Variants in TRIM38 observed in about 807,000 individuals in gnomAD.
The protein encoded by TRIM38 is tripartite motif containing 38, also known as E3 ubiquitin-protein ligase TRIM38.
In TRIM38, 35 loss-of-function variants were observed where a neutral mutation model predicts 35.8. The observed-to-expected ratio is 0.98, with a 90% confidence interval of 0.75 to 1.30. TRIM38 has a LOEUF of 1.30. TRIM38 is among the 50% of genes most tolerant of loss of function. The pLI is 0.00. For synonymous variants in TRIM38, 198 were observed against 204.7 expected, an observed-to-expected ratio of 0.97 and a Z score of 0.28; for missense variants, 545 against 556.9, an observed-to-expected ratio of 0.98 and a Z score of 0.21.
rs775698960 is a variant in TRIM38 at position 25,983,179 on chromosome 6, A to C, written c.890A>C (p.Asp297Ala). The C allele has an allele frequency of 4.6e-5, 73 of 1,584,402 alleles. No homozygotes were observed. The highest frequency in any genetic ancestry group is 6.1e-5 in the Non-Finnish European group (71 of 1,165,034). ...TGTTTTGCAGTTAGTGTGACTCTGG[A>C]TCCAGATACAGCTCATCACGAACTA... ...LRSHQVSVTL[D>A]PDTAHHELIL... The change falls in exon 8 of 8, where the codon GAT becomes GCT. Residue 297 changes from aspartate to alanine, a missense_variant. Transcript: ENST00000357085.
intron 7 of TRIM38, chr6:25,974,842 C>T (rs1760342660): frequency 3.1e-6 from 3 of 968,016 alleles, no homozygotes; most frequent in Admixed American, 1.2e-4. Context: ...GTGTTCCCCT[C>T]AAATACACAA....
In TRIM38 at chr6:25,966,568, T is replaced by C. The variant is rs202095069; in HGVS notation, c.46T>C (p.Cys16Arg). ...STKKMMEEAT[C>R]SICLSLMTNP... ...CAAGAAGATGATGGAGGAAGCCACC[T>C]GCTCCATCTGCCTGAGCCTGATGAC... Residue 16 changes from cysteine to arginine, a missense_variant, in exon 3 of 8, where the codon TGC becomes CGC. By Grantham distance (180) the Cys-to-Arg change is radical. Transcript: ENST00000357085. The C allele has an allele frequency of 1.2e-6, 2 of 1,613,960 alleles. No individual in the cohort carries two copies. The highest frequency in any genetic ancestry group is 2.7e-5 in the African/African-American group (2 of 75,048).
intron 7 of TRIM38, among the ~76,000 whole-genome samples, chr6:25,980,464 A>G (rs994384585): frequency 6.8e-6 from 1 of 148,000 alleles, no homozygotes; most frequent in Non-Finnish European, 1.5e-5. Flanking sequence ...TCTGTCACCC[A>G]GGCTGTAGTG....
intron 2 of TRIM38, among the ~76,000 whole-genome samples, chr6:25,965,146 G>A (rs1284987001): frequency 2.0e-5 from 3 of 152,120 alleles, no homozygotes; most frequent in Non-Finnish European, 4.4e-5. Context: ...ACTAGAATAG[G>A]AAAGAGTTTC....
chr6:25,979,112 A>G (rs909547045), intron 7 of TRIM38, among the ~76,000 whole-genome samples: 6 of 151,960 alleles, frequency 3.9e-5, no homozygotes, highest in Non-Finnish European at 7.4e-5. Context: ...TATGCTATAC[A>G]TATTATATAT....
At chr6:25,964,361 T>C (rs1759952841) in intron 2 of TRIM38, among the ~76,000 whole-genome samples, 1 of 152,108 alleles carries the variant, frequency 6.6e-6, no homozygotes, top group South Asian at 2.1e-4. Flanking sequence ...CAGGAGAATA[T>C]AGGTAATTCT....
Position 25,984,077 on chromosome 6 carries a change from T to C in TRIM38, c.*390T>C, listed in dbSNP as rs1760647700. ...AGGGAATGAAAGAAAGCTGCAATTA[T>C]CCGCCAACTGCATTTAAAACAAAAC... On this transcript the variant is annotated 3_prime_UTR_variant, in exon 8 of 8. Transcript: ENST00000357085. The C allele has an allele frequency of 6.2e-6, 1 of 162,098 alleles. No homozygotes were observed. Among genetic ancestry groups the C allele is most frequent in the Admixed American group, 6.2e-5 (1 of 16,036 alleles). The allele number at this position is 162,098 out of a possible 1,614,324, so 10.0% of individuals were successfully genotyped here.
Position 25,972,016 on chromosome 6 carries a change from C to A in TRIM38, c.655C>A (p.Leu219Met), listed in dbSNP as rs1348565773. The A allele has an allele frequency of 4.3e-6, 7 of 1,614,054 alleles. No homozygotes were observed. Among genetic ancestry groups the A allele is most frequent in the Non-Finnish European group, 5.1e-6 (6 of 1,180,002 alleles). The change falls in exon 5 of 8, where the codon CTG becomes ATG. Residue 219 changes from leucine to methionine, a missense_variant. Transcript: ENST00000357085. ...LSRLRDYEAG[L>M]GLKSNELKSH... ...TAGACTGAGGGACTATGAGGCTGGTCTGGGGCTGAAGAGCAATGAACTCAA... is the reference window on the plus strand; with the variant it reads ...TAGACTGAGGGACTATGAGGCTGGTATGGGGCTGAAGAGCAATGAACTCAA...
chr6:25,973,366 CA>C (rs1365126302), intron 7 of TRIM38, 81 bp downstream of exon 7: 2 of 1,548,096 alleles, frequency 1.3e-6, no homozygotes, highest in Non-Finnish European at 1.7e-6. Flanking sequence ...TGTCCCTTGG[CA>C]GGCTCACAGC....
intron 3 of TRIM38, among the ~76,000 whole-genome samples, chr6:25,968,535 A>G (rs1760129812): frequency 6.6e-6 from 1 of 152,242 alleles, no homozygotes; most frequent in African/African-American, 2.4e-5. Context: ...TATAGTAAGG[A>G]CAATGTCATC....
rs71544660 is a variant in TRIM38, at chr6:25,988,496, C to CTTTTTTTTTTTTTTTTTTTTTTTTCTTCT, written c.*4826_*4827insTTTTTTTCTTCTTTTTTTTTTTTTTTTTT. On this transcript the variant is annotated 3_prime_UTR_variant, in exon 8 of 8. Transcript: ENST00000357085. ...TTTCTTTTTCTTTTTTCTTTTCTTT[C>CTTTTTTTTTTTTTTTTTTTTTTTTCTTCT]TTTTTTTTTTTTTTTTTGAGACAGA... 1.6e-5 allele frequency: 1 copy of CTTTTTTTTTTTTTTTTTTTTTTTTCTTCT among 63,054 alleles called. No homozygotes were observed. Among genetic ancestry groups the CTTTTTTTTTTTTTTTTTTTTTTTTCTTCT allele is most frequent in the Non-Finnish European group, 2.7e-5 (1 of 37,380 alleles). 3.9% of individuals were successfully genotyped at this position (63,054 alleles called of 1,614,324 possible).
Position 25,983,717 on chromosome 6 carries a change from C to T in TRIM38, c.*30C>T, listed in dbSNP as rs143995007. On this transcript the variant is annotated 3_prime_UTR_variant, in exon 8 of 8. Transcript: ENST00000357085. ...AAGAGCAGAAGCTCCTTGGTTTAACCAGCACAGAGAAAATAATATAAATCC... is the reference window on the plus strand; with the variant it reads ...AAGAGCAGAAGCTCCTTGGTTTAACTAGCACAGAGAAAATAATATAAATCC... 7 of 1,525,040 alleles carry T rather than the reference C, an allele frequency of 4.6e-6. No individual in the cohort carries two copies. The East Asian group carries it at 9.0e-5, about 20-fold the overall frequency. The allele number at this position is 1,525,040 out of a possible 1,614,324, so 94.5% of individuals were successfully genotyped here.
intron 4 of TRIM38, among the ~76,000 whole-genome samples, chr6:25,970,243 G>A (rs1760191483): frequency 6.6e-6 from 1 of 152,144 alleles, no homozygotes; most frequent in African/African-American, 2.4e-5. Context: ...TACATCACAA[G>A]TAATGCAACA....
chr6:25,972,193 C>G, intron 5 of TRIM38, 94 bp downstream of exon 5: 3 of 1,146,176 alleles, frequency 2.6e-6, no homozygotes, highest in Non-Finnish European at 3.8e-6. Flanking sequence ...AGTAATGTTT[C>G]TTTTAGATGT....
chr6:25,974,236 T>A (rs571858856), intron 7 of TRIM38, among the ~76,000 whole-genome samples: 1 of 152,304 alleles, frequency 6.6e-6, no homozygotes, highest in African/African-American at 2.4e-5. Flanking sequence ...CAGGCAGAAT[T>A]TCTTTCCTGA....
intron 7 of TRIM38, among the ~76,000 whole-genome samples, chr6:25,979,281 G>T (rs921134163): frequency 6.6e-6 from 1 of 151,962 alleles, no homozygotes; most frequent in Non-Finnish European, 1.5e-5. Flanking sequence ...GTATGAGATT[G>T]GCATTACTCA....
chr6:25,968,248 A>G (rs573562724), intron 3 of TRIM38, among the ~76,000 whole-genome samples: 1 of 152,084 alleles, frequency 6.6e-6, no homozygotes, highest in South Asian at 2.1e-4. Flanking sequence ...TCTTCCTTAA[A>G]CTCCATGGAG....
rs1382775348 is a variant in TRIM38 at position 25,973,345 on chromosome 6, A to G, written c.874+60A>G. On this transcript the variant is annotated intron_variant, in intron 7 of 7. Transcript: ENST00000357085. ...TAGAAGGGGCCTTATGCAGTAACCA[A>G]GTTTACCACCTGTCCCTTGGCAGGC... is the stretch of plus-strand genomic sequence containing the variant. 15 of 1,580,236 alleles carry G rather than the reference A, an allele frequency of 9.5e-6. No homozygotes were observed. In the East Asian group the frequency reaches 3.5e-4, roughly 36 times the overall value.
At chr6:25,971,702 CAA>C (rs372794796) in intron 4 of TRIM38, among the ~76,000 whole-genome samples, 165 bp from the exon 5 acceptor site, 60 of 152,322 alleles carry the variant, frequency 3.9e-4, no homozygotes, top group African/African-American at 1.2e-3. Flanking sequence ...CTTGTATAAG[CAA>C]AGTCTTACAA....
Sources: gnomAD v4.1 joint callset for allele counts (sites outside exome capture counted in the v4.1 genomes callset) on GRCh38, gnomAD v4.1.1 for gene constraint, MANE v1.5 for transcripts, NCBI Gene and HGNC (gene_info 2026-07-23, HGNC 2026-07-21) for gene names.